Variants in DDX27 observed in about 807,000 individuals in gnomAD.
DDX27 encodes the protein probable ATP-dependent RNA helicase DDX27.
A neutral mutation model predicts 99.3 loss-of-function variants in DDX27; 42 were observed. The observed-to-expected ratio is 0.42, with a 90% confidence interval of 0.33 to 0.55. The LOEUF is 0.55. Among genes scored for constraint, DDX27 ranks in the 20% least tolerant of loss-of-function variants. DDX27 has a pLI of 0.07. For missense variants in DDX27, 798 were observed against 976.8 expected (o/e 0.82, Z 2.44); for synonymous variants, 329 against 353.8 (o/e 0.93, Z 0.79).
intron 8 of DDX27, among the ~76,000 whole-genome samples, chr20:49,229,163 C>G (rs238167): frequency 0.69 from 104,379 of 151,388 alleles, 36,788 homozygotes; most frequent in Non-Finnish European, 0.78. Flanking sequence ...TCAGCCTCCC[C>G]AGTAGCTGGG....
At chr20:49,219,928 G>T (rs564276712) in intron 1 of DDX27, among the ~76,000 whole-genome samples, 46 of 152,136 alleles carry the variant, frequency 3.0e-4, no homozygotes, top group Non-Finnish European at 5.6e-4. Context: ...AATACTTAAC[G>T]CCTGCTAGAC....
chr20:49,239,784 C>T (rs1409808296), intron 16 of DDX27, among the ~76,000 whole-genome samples: 1 of 152,116 alleles, frequency 6.6e-6, no homozygotes, highest in Non-Finnish European at 1.5e-5. Flanking sequence ...CTTTGAATTA[C>T]TGTTCATAAT....
chr20:49,236,544 C>A lies in DDX27; in HGVS notation c.1687+34C>A. ...GCACCCCTGTGGCAGTGCAGAATGG[C>A]TCGGTGGGCGGGGCAAGGACAGAGT... On this transcript the variant is annotated intron_variant, in intron 14 of 20. Coordinates refer to ENST00000618172, the MANE Select transcript of DDX27 (RefSeq NM_017895.8). This position sits in a 1 kb window ranked among gnomAD's most constrained non-coding sequence, Gnocchi z 4.1. 1 of 1,519,192 alleles carries A rather than the reference C, an allele frequency of 6.6e-7. No homozygotes were observed. Among genetic ancestry groups the A allele is most frequent in the Non-Finnish European group, 8.8e-7 (1 of 1,132,024 alleles). The allele number at this position is 1,519,192 out of a possible 1,614,324, so 94.1% of individuals were successfully genotyped here. A position where few individuals can be genotyped will look rare whatever the true frequency, so the allele number is the denominator to read the frequency against.
At position 49,224,979 on chromosome 20, in the gene DDX27, G is replaced by A. The variant is rs1309534982; in HGVS notation, c.501G>A (p.Lys167=). 3.1e-6 allele frequency: 5 copies of A among 1,614,086 alleles called. No individual in the cohort carries two copies. The highest frequency in any genetic ancestry group is 4.2e-6 in the Non-Finnish European group (5 of 1,180,052). ...AAGTAAAGGATCGGAAGAAGAAGAA[G>A]AAGAAAGGACAGGTGAGCTTGGGGC... is the stretch of plus-strand genomic sequence containing the variant. ...TLKVKDRKKK[K]KKGQEAGGFF... is the part of the protein sequence containing the mutation. Residue 167 remains lysine (K), a synonymous_variant, in exon 5 of 21, where the codon AAG becomes AAA. Transcript: ENST00000618172.
In DDX27 at chr20:49,224,786, C is replaced by T. The variant is rs541787210; in HGVS notation, c.467-159C>T. Reference sequence around the variant, plus strand: ...CTCTCTGACCTTAGGCAAGTTACTTCACCATGCTGCCACAAAGTGTCCTCA... The same window carrying T: ...CTCTCTGACCTTAGGCAAGTTACTTTACCATGCTGCCACAAAGTGTCCTCA... On this transcript the variant is annotated intron_variant, in intron 4 of 20. Coordinates refer to ENST00000618172, the MANE Select transcript of DDX27 (RefSeq NM_017895.8). 1.3e-3 allele frequency: 980 copies of T among 728,528 alleles called. 2 individuals carry two copies. The highest frequency in any genetic ancestry group is 4.5e-3 in the Admixed American group (160 of 35,198). 45.1% of individuals were successfully genotyped at this position (728,528 alleles called of 1,614,324 possible).
At chr20:49,233,493 C>T in intron 10 of DDX27, 75 bp from the exon 11 acceptor site, 1 of 1,600,902 alleles carries the variant, frequency 6.2e-7, no homozygotes, top group South Asian at 1.1e-5. Flanking sequence ...AGGGGGTTTG[C>T]CTGGGGTGAG....
chr20:49,233,426 G>A, intron 10 of DDX27, 21 bp downstream of exon 10: 1 of 1,611,528 alleles, frequency 6.2e-7, no homozygotes, highest in Non-Finnish European at 8.5e-7. Flanking sequence ...GGACTTCTCT[G>A]TGGCGGGTGG....
chr20:49,234,478 G>C (rs1980238150), intron 11 of DDX27: 1 of 152,902 alleles, frequency 6.5e-6, no homozygotes, highest in Admixed American at 6.5e-5. Flanking sequence ...TTGCCAGGCT[G>C]GTCTTGAACT....
In DDX27 at chr20:49,236,597, G is replaced by A. The variant is rs1980318207; in HGVS notation, c.1687+87G>A. Reference sequence around the variant, plus strand: ...AATGGCTGAGAGCAGGTACTTTGCAGTTCAGAGCCAGATTTGAATTCCAGC... The same window carrying A: ...AATGGCTGAGAGCAGGTACTTTGCAATTCAGAGCCAGATTTGAATTCCAGC... On this transcript the variant is annotated intron_variant, in intron 14 of 20. Coordinates refer to ENST00000618172, the MANE Select transcript of DDX27 (RefSeq NM_017895.8). The surrounding 1 kb of genome is among the most constrained non-coding windows in gnomAD (Gnocchi z 4.1). 1.5e-6 allele frequency: 2 copies of A among 1,321,316 alleles called. No individual in the cohort carries two copies. Among genetic ancestry groups the A allele is most frequent in the South Asian group, 2.0e-5 (1 of 50,452 alleles). The allele number at this position is 1,321,316 out of a possible 1,614,324, so 81.8% of individuals were successfully genotyped here.
chr20:49,224,731 T>C, intron 4 of DDX27: 1 of 590,436 alleles, frequency 1.7e-6, no homozygotes, highest in South Asian at 2.1e-5. Context: ...GAGAGCCTGG[T>C]CTCTGGACCA....
At chr20:49,233,851 A>C in intron 11 of DDX27, 142 bp downstream of exon 11, 1 of 864,636 alleles carries the variant, frequency 1.2e-6, no homozygotes, top group Non-Finnish European at 1.8e-6. Flanking sequence ...ACTAATGATG[A>C]TCCGCTGCCT....
chr20:49,221,426 G>A lies in DDX27; in HGVS notation c.94-26G>A, dbSNP rs746179955. 4 of 1,612,268 alleles carry A rather than the reference G, an allele frequency of 2.5e-6. No individual in the cohort carries two copies. In the East Asian group the frequency reaches 8.9e-5, roughly 36 times the overall value. ...TATCATTCTTTATCTCAGCCCCAAA[G>A]TCACTCTGTCTCTTACTCTTCCCAG... is the stretch of plus-strand genomic sequence containing the variant. On this transcript the variant is annotated intron_variant, in intron 1 of 20. Coordinates refer to ENST00000618172, the MANE Select transcript of DDX27 (RefSeq NM_017895.8).
intron 9 of DDX27, among the ~76,000 whole-genome samples, chr20:49,232,337 A>C (rs966772242): frequency 4.6e-5 from 7 of 152,134 alleles, no homozygotes; most frequent in Non-Finnish European, 7.3e-5. Flanking sequence ...GGTAACTATA[A>C]AATAAAACTT....
chr20:49,236,166 C>A lies in DDX27; in HGVS notation c.1444C>A (p.Gln482Lys). 6.2e-7 allele frequency: 1 copy of A among 1,611,920 alleles called. No individual in the cohort carries two copies. The highest frequency in any genetic ancestry group is 8.5e-7 in the Non-Finnish European group (1 of 1,179,040). ...LEALRRFKDEQIDILVATDVA... is the reference protein window; with the variant it reads ...LEALRRFKDEKIDILVATDVA... ...TGTTTCTAGGCGTTTTAAGGATGAACAGATTGACATCCTCGTGGCCACTGA... is the reference window on the plus strand; with the variant it reads ...TGTTTCTAGGCGTTTTAAGGATGAAAAGATTGACATCCTCGTGGCCACTGA... Residue 482 changes from glutamine (Q) to lysine (K), a missense_variant, in exon 13 of 21, where the codon CAG becomes AAG. By Grantham distance (53) the Gln-to-Lys change is moderately conservative. Around this residue, in one of 2 missense-constraint regions of DDX27, gnomAD observed 553 missense variants for 727.9 expected, o/e 0.76. Transcript: ENST00000618172. This position sits in a 1 kb window ranked among gnomAD's most constrained non-coding sequence, Gnocchi z 4.1.
chr20:49,224,684 A>G (rs973688431), intron 4 of DDX27: 14 of 425,932 alleles, frequency 3.3e-5, no homozygotes, highest in African/African-American at 2.6e-4. Flanking sequence ...TTCTTGCAGA[A>G]ATGTGTGCTA....
chr20:49,221,692 T>C, intron 2 of DDX27, 94 bp downstream of exon 2: 1 of 1,144,046 alleles, frequency 8.7e-7, no homozygotes, highest in Non-Finnish European at 1.2e-6. Context: ...TGACCATCTG[T>C]TTACATTCAG....
chr20:49,240,273 T>C (rs1980435689), intron 16 of DDX27, among the ~76,000 whole-genome samples: 1 of 152,194 alleles, frequency 6.6e-6, no homozygotes, highest in African/African-American at 2.4e-5. Context: ...AAAAATAATT[T>C]TAAAAAAGTT....
In DDX27 at chr20:49,235,000, C is replaced by T. The variant is rs759121430; in HGVS notation, c.1339C>T (p.Arg447Cys). The stretch of plus-strand genomic sequence containing the variant: ...CACGCAAACCAAGAAGCAGGCCCAC[C>T]GCATGCACATCCTCCTGGGGCTCAT... ...LFTQTKKQAH[R>C]MHILLGLMGL... Residue 447 changes from arginine (R) to cysteine (C), a missense_variant, in exon 12 of 21, where the codon CGC becomes TGC. By Grantham distance (180) the Arg-to-Cys change is radical. Transcript: ENST00000618172. The T allele has an allele frequency of 2.2e-5, 36 of 1,613,426 alleles. No individual in the cohort carries two copies. Among genetic ancestry groups the T allele is most frequent in the East Asian group, 4.5e-5 (2 of 44,822 alleles).
intron 14 of DDX27, chr20:49,238,624 C>T (rs148170472): frequency 0.041 from 12,142 of 295,850 alleles, 392 homozygotes; most frequent in Middle Eastern, 0.058. Flanking sequence ...TGTGCCCCCA[C>T]ACCCAGCTGA....
Sources: gnomAD v4.1 joint callset for allele counts (sites outside exome capture counted in the v4.1 genomes callset) on GRCh38, gnomAD v4.1.1 for gene constraint, gnomAD v4.1.1 regional missense constraint, Gnocchi (gnomAD v3.1) non-coding constraint, MANE v1.5 for transcripts, NCBI Gene and HGNC (gene_info 2026-07-23, HGNC 2026-07-21) for gene names.